The following MARCHF6 variants were observed in gnomAD, a reference collection of about 807,000 sequenced individuals.
The protein encoded by MARCHF6 is E3 ubiquitin-protein ligase MARCHF6.
Under a neutral mutation model 133.7 loss-of-function variants are expected in MARCHF6, and 31 were observed. The ratio of observed to expected loss-of-function variants is 0.23; its 90% CI spans 0.17 to 0.31. The LOEUF is 0.31. Among genes scored for constraint, MARCHF6 ranks in the 10% least tolerant of loss-of-function variants. The probability of loss-of-function intolerance (pLI) is 1.00; values close to 1 mark genes in which losing one functional copy is unlikely to be tolerated. For missense variants in MARCHF6, 723 were observed against 1,121.6 expected (o/e 0.64, Z 5.08); for synonymous variants, 395 against 402.5 (o/e 0.98, Z 0.22).
chr5:10,362,695 AT>A (rs1735899299), intron 1 of MARCHF6, among the ~76,000 whole-genome samples: 1 of 152,224 alleles, frequency 6.6e-6, no homozygotes. Flanking sequence ...CATCACACAG[AT>A]TTATAGCTTG....
chr5:10,392,274 T>C (rs1318630975), intron 7 of MARCHF6, among the ~76,000 whole-genome samples: 1 of 152,134 alleles, frequency 6.6e-6, no homozygotes, highest in African/African-American at 2.4e-5. Context: ...ACTTTTTTAA[T>C]AGGATAGATA....
intron 1 of MARCHF6, among the ~76,000 whole-genome samples, chr5:10,364,524 AAAG>A (rs1736013106): frequency 6.6e-6 from 1 of 152,196 alleles, no homozygotes; most frequent in African/African-American, 2.4e-5. Context: ...AGCCAAAAGA[AAAG>A]AAAAGAAAAG....
In MARCHF6 at chr5:10,437,167, C is replaced by T. The variant is rs2126402860; in HGVS notation, c.*3483C>T. The stretch of plus-strand genomic sequence containing the variant: ...GAATGTAGTGCCATAAGAACACTGG[C>T]GCTTTTTAAAACTTTCCAAGCTAGC... On this transcript the variant is annotated 3_prime_UTR_variant, in exon 26 of 26. Transcript: ENST00000274140. The T allele has an allele frequency of 6.6e-6, 1 of 152,360 alleles. No individual in the cohort carries two copies. The highest frequency in any genetic ancestry group is 2.1e-4 in the South Asian group (1 of 4,834). 9.4% of individuals were successfully genotyped at this position (152,360 alleles called of 1,614,324 possible).
At chr5:10,417,452 C>G in intron 22 of MARCHF6, 48 bp downstream of exon 22, 1 of 1,607,954 alleles carries the variant, frequency 6.2e-7, no homozygotes, top group African/African-American at 1.3e-5. Flanking sequence ...GATTTGAGAT[C>G]AGAAAATAAT....
At chr5:10,411,206 T>C in intron 18 of MARCHF6, 127 bp from the exon 19 acceptor site, 2 of 727,370 alleles carry the variant, frequency 2.7e-6, no homozygotes, top group South Asian at 1.8e-5. Context: ...TAGGTAATAA[T>C]GTGGTGCACA....
intron 25 of MARCHF6, 142 bp downstream of exon 25, chr5:10,430,170 T>C: frequency 1.1e-6 from 1 of 942,694 alleles, no homozygotes. Context: ...TGCTGACAGA[T>C]TGTGACATGT....
In MARCHF6 at chr5:10,389,661, C is replaced by G. The variant is rs182396742; in HGVS notation, c.408-671C>G. On this transcript the variant is annotated intron_variant, in intron 5 of 25. Coordinates refer to ENST00000274140, the MANE Select transcript of MARCHF6 (RefSeq NM_005885.4). ...AAGTGATCCACCTGCCTTGGCCTCC[C>G]AAAGTGCTGGGATTACAGGCATGAG... Among the ~76,000 whole-genome samples the G allele has an allele frequency of 2.8e-3, 433 of 152,314 alleles. 2 individuals carry two copies. Among genetic ancestry groups the G allele is most frequent in the Admixed American group, 0.011 (163 of 15,300 alleles).
At chr5:10,362,018 C>T (rs553494097) in intron 1 of MARCHF6, among the ~76,000 whole-genome samples, 9 of 152,276 alleles carry the variant, frequency 5.9e-5, no homozygotes, top group Admixed American at 3.9e-4. Context: ...CCACCTCGGC[C>T]TCCCAAAGTG....
chr5:10,415,097 A>G (rs536272735), intron 20 of MARCHF6, among the ~76,000 whole-genome samples: 3 of 152,358 alleles, frequency 2.0e-5, no homozygotes, highest in South Asian at 2.1e-4. Context: ...TCTACATATT[A>G]AAAGTATTGA....
intron 1 of MARCHF6, among the ~76,000 whole-genome samples, chr5:10,354,285 G>C (rs1229115894): frequency 6.6e-6 from 1 of 152,186 alleles, no homozygotes; most frequent in Non-Finnish European, 1.5e-5. Context: ...CCCCCACTGG[G>C]TTTTGTCTTT....
At chr5:10,431,530 T>C (rs1740360143) in intron 25 of MARCHF6, among the ~76,000 whole-genome samples, 1 of 152,164 alleles carries the variant, frequency 6.6e-6, no homozygotes, top group African/African-American at 2.4e-5. Context: ...AGAAAGGTGT[T>C]GAACTGTAGA....
chr5:10,356,541 G>T (rs1346834447), intron 1 of MARCHF6, among the ~76,000 whole-genome samples: 2 of 151,708 alleles, frequency 1.3e-5, no homozygotes, highest in African/African-American at 4.8e-5. Flanking sequence ...GATTACAGGA[G>T]CGCGCCACCT....
intron 1 of MARCHF6, among the ~76,000 whole-genome samples, chr5:10,366,893 G>T (rs1736169595): frequency 6.6e-6 from 1 of 152,194 alleles, no homozygotes; most frequent in African/African-American, 2.4e-5. Flanking sequence ...AGAACAGTTT[G>T]CTGTTCACTC....
chr5:10,392,436 T>C (rs1288986908), intron 7 of MARCHF6, among the ~76,000 whole-genome samples: 3 of 152,216 alleles, frequency 2.0e-5, no homozygotes, highest in African/African-American at 7.2e-5. Context: ...AAGTTTATAC[T>C]GCAGACAAGA....
chr5:10,396,885 G>A lies in MARCHF6; in HGVS notation c.862-408G>A, dbSNP rs189301031. The stretch of plus-strand genomic sequence containing the variant: ...TAGGTGTCAAGAAGGCAGATTGGAC[G>A]TTGAAAGAAACACTGCAGTTGACGT... On this transcript the variant is annotated intron_variant, in intron 9 of 25. Transcript: ENST00000274140. 2.6e-4 allele frequency among the ~76,000 whole-genome samples: 39 copies of A among 152,294 alleles called. 1 individual carries two copies. The East Asian group carries it at 6.7e-3, about 26-fold the overall frequency.
intron 4 of MARCHF6, among the ~76,000 whole-genome samples, chr5:10,384,256 A>C (rs936449870): frequency 6.6e-6 from 1 of 152,230 alleles, no homozygotes; most frequent in Non-Finnish European, 1.5e-5. Context: ...AACATAATTA[A>C]AGTTAAAAAC....
At chr5:10,358,689 T>G (rs1340010436) in intron 1 of MARCHF6, among the ~76,000 whole-genome samples, 2 of 152,170 alleles carry the variant, frequency 1.3e-5, no homozygotes, top group African/African-American at 4.8e-5. Flanking sequence ...TGAAAAAAAT[T>G]TTGGAGATTT....
At chr5:10,399,152 A>T (rs897127300) in intron 10 of MARCHF6, among the ~76,000 whole-genome samples, 8 of 152,202 alleles carry the variant, frequency 5.3e-5, no homozygotes, top group African/African-American at 1.9e-4. Flanking sequence ...ATCTGCTAAT[A>T]GAGTTAAAAC....
chr5:10,429,898 A>G lies in MARCHF6; in HGVS notation c.2512A>G (p.Thr838Ala), dbSNP rs202148680. 1 of 1,611,096 alleles carries G rather than the reference A, an allele frequency of 6.2e-7. No homozygotes were observed. Among genetic ancestry groups the G allele is most frequent in the Non-Finnish European group, 8.5e-7 (1 of 1,177,656 alleles). Residue 838 changes from threonine to alanine, a missense_variant, in exon 25 of 26, where the codon ACT (threonine) becomes GCT (alanine). By Grantham distance (58) the Thr-to-Ala change is moderately conservative. This residue lies in a region of MARCHF6 where 492 missense variants were observed against 699.5 expected (regional missense o/e 0.70). Coordinates refer to ENST00000274140, the MANE Select transcript of MARCHF6 (RefSeq NM_005885.4). ...TTTCTTTTTTGGTTTTCTAGGTGTT[A>G]CTGCGGAAATGCAAAACTTAGTCCA... ...ASGVVPLLGV[T>A]AEMQNLVHRR... is the part of the protein sequence containing the mutation.
Sources: gnomAD v4.1 joint callset for allele counts (sites outside exome capture counted in the v4.1 genomes callset) on GRCh38, gnomAD v4.1.1 for gene constraint, gnomAD v4.1.1 regional missense constraint, MANE v1.5 for transcripts, NCBI Gene and HGNC (gene_info 2026-07-23, HGNC 2026-07-21) for gene names.